ADH7: variants seen among roughly 807,000 people sequenced by gnomAD.
ADH7 encodes all-trans-retinol dehydrogenase [NAD(+)] ADH7.
Under a neutral mutation model 34.4 loss-of-function variants are expected in ADH7, and 41 were observed. The observed-to-expected ratio is 1.19, with a 90% CI of 0.93 to 1.55. The LOEUF (loss-of-function observed/expected upper bound fraction) is 1.55, where lower values mean the gene tolerates loss of function less well. ADH7 is among the 40% of genes most tolerant of loss of function. The pLI is 0.00. For synonymous variants in ADH7, 180 were observed against 160.9 expected (o/e 1.12, Z -0.90); for missense variants, 540 against 461.2 (o/e 1.17, Z -1.56).
At position 99,420,021 on chromosome 4, in the gene ADH7, G is replaced by A. The variant is rs941003466; in HGVS notation, c.825+512C>T. The stretch of plus-strand genomic sequence containing the variant: ...TCTGGTGCTGCGGGCTGCCATACAG[G>A]TGGCATGGTTAGAAAATTGAAGGTT... On this transcript the variant is annotated intron_variant, in intron 6 of 8. Transcript: ENST00000437033. Among the ~76,000 whole-genome samples the A allele has an allele frequency of 1.6e-4, 25 of 152,154 alleles. 1 individual carries two copies. Among genetic ancestry groups the A allele is most frequent in the African/African-American group, 5.8e-4 (24 of 41,434 alleles).
intron 5 of ADH7, among the ~76,000 whole-genome samples, chr4:99,424,834 G>A (rs1721761938): frequency 6.6e-6 from 1 of 152,020 alleles, no homozygotes; most frequent in Non-Finnish European, 1.5e-5. Flanking sequence ...GGGACAATTT[G>A]ACTTCCTCTT....
chr4:99,412,541 T>A lies in ADH7; in HGVS notation c.*607A>T, dbSNP rs1721430597. ...GCTGGCAAATAGCCTTGTGTACCCA[T>A]ATGATATACTTTTTCAGTTTCACCA... On this transcript the variant is annotated 3_prime_UTR_variant, in exon 9 of 9. Coordinates refer to ENST00000437033, the MANE Select transcript of ADH7 (RefSeq NM_000673.7). 1 of 152,136 alleles carries A rather than the reference T, an allele frequency of 6.6e-6. No homozygotes were observed. Among genetic ancestry groups the A allele is most frequent in the African/African-American group, 2.4e-5 (1 of 41,452 alleles). 9.4% of individuals were successfully genotyped at this position (152,136 alleles called of 1,614,324 possible).
At chr4:99,423,579 G>A (rs1168254569) in intron 5 of ADH7, among the ~76,000 whole-genome samples, 21 of 152,076 alleles carry the variant, frequency 1.4e-4, no homozygotes, top group Non-Finnish European at 1.5e-5. Context: ...TCTAACTGGT[G>A]TGAGATGGTA....
intron 5 of ADH7, among the ~76,000 whole-genome samples, chr4:99,423,654 T>C (rs528673517): frequency 6.6e-6 from 1 of 152,270 alleles, no homozygotes; most frequent in Non-Finnish European, 1.5e-5. Context: ...TTCCACATGT[T>C]TTTTGGCTGC....
intron 5 of ADH7, among the ~76,000 whole-genome samples, chr4:99,422,152 G>A (rs1721680298): frequency 1.3e-5 from 2 of 152,064 alleles, no homozygotes. Context: ...CCCATTACTG[G>A]GTATACACCC....
chr4:99,432,412 T>A (rs1486189174), intron 1 of ADH7, among the ~76,000 whole-genome samples: 4 of 152,014 alleles, frequency 2.6e-5, no homozygotes, highest in African/African-American at 9.7e-5. Context: ...CCAAACCCCA[T>A]GATACACAAT....
intron 7 of ADH7, among the ~76,000 whole-genome samples, chr4:99,417,495 A>G (rs908317089): frequency 1.3e-5 from 2 of 152,112 alleles, no homozygotes; most frequent in African/African-American, 4.8e-5. Flanking sequence ...ACTTTATAAA[A>G]TAGCATTCAC....
At chr4:99,434,639 G>C (rs1579582953) in intron 1 of ADH7, among the ~76,000 whole-genome samples, 1 of 151,974 alleles carries the variant, frequency 6.6e-6, no homozygotes, top group East Asian at 1.9e-4. Flanking sequence ...GTTGTTTTTA[G>C]AACGATAAAC....
chr4:99,416,095 G>A (rs547065228), intron 7 of ADH7, among the ~76,000 whole-genome samples: 4 of 151,952 alleles, frequency 2.6e-5, no homozygotes, highest in East Asian at 1.9e-4. Flanking sequence ...CCAACGTAAC[G>A]AACCTGCACG....
chr4:99,429,401 G>A, intron 2 of ADH7, 131 bp downstream of exon 2: 1 of 604,086 alleles, frequency 1.7e-6, no homozygotes, highest in South Asian at 2.5e-5. Context: ...ATATATAAGA[G>A]CCAGTAAAGG....
At chr4:99,433,465 A>G (rs568786842) in intron 1 of ADH7, among the ~76,000 whole-genome samples, 212 of 152,200 alleles carry the variant, frequency 1.4e-3, no homozygotes, top group Non-Finnish European at 2.4e-3. Context: ...TTTCCTTCAT[A>G]TTTTCTGACC....
intron 5 of ADH7, among the ~76,000 whole-genome samples, chr4:99,424,728 G>A (rs901191210): frequency 9.2e-5 from 14 of 152,078 alleles, no homozygotes; most frequent in East Asian, 3.9e-4. Flanking sequence ...TTGATTTTGT[G>A]TCCTGAGACT....
intron 5 of ADH7, among the ~76,000 whole-genome samples, chr4:99,422,935 G>T (rs561439028): frequency 1.4e-5 from 2 of 144,738 alleles, no homozygotes; most frequent in Non-Finnish European, 3.0e-5. Flanking sequence ...GTGCAGGTTA[G>T]TTACATATGT....
At chr4:99,421,843 G>A (rs190605186) in intron 5 of ADH7, among the ~76,000 whole-genome samples, 3 of 152,240 alleles carry the variant, frequency 2.0e-5, no homozygotes, top group Non-Finnish European at 2.9e-5. Flanking sequence ...GTGGTCACAG[G>A]ATATGAACAG....
chr4:99,417,651 T>C (rs997048380), intron 7 of ADH7, among the ~76,000 whole-genome samples: 8 of 152,152 alleles, frequency 5.3e-5, no homozygotes, highest in African/African-American at 1.9e-4. Context: ...TCACACTTCC[T>C]GAGATCAGGG....
Position 99,420,581 on chromosome 4 carries a change from G to A in ADH7, c.777C>T (p.Gly259=). 1 of 1,613,816 alleles carries A rather than the reference G, an allele frequency of 6.2e-7. No homozygotes were observed. Among genetic ancestry groups the A allele is most frequent in the Non-Finnish European group, 8.5e-7 (1 of 1,179,888 alleles). ...CTTCAAAGGTGTATCCCACGTTGTT[G>A]CCTGTCATTTCTGACAGCACCTCAC... ...PISEVLSEMT[G]NNVGYTFEVI... Residue 259 remains glycine, a synonymous_variant, in exon 6 of 9, where the codon GGC becomes GGT. Transcript: ENST00000437033.
chr4:99,413,859 T>C (rs1721460685), intron 8 of ADH7, among the ~76,000 whole-genome samples: 1 of 152,164 alleles, frequency 6.6e-6, no homozygotes, highest in Non-Finnish European at 1.5e-5. Flanking sequence ...TTGGTTTGTA[T>C]GTGGTAGGCA....
intron 5 of ADH7, among the ~76,000 whole-genome samples, chr4:99,422,681 A>C (rs1721694775): frequency 1.3e-5 from 2 of 152,198 alleles, no homozygotes; most frequent in South Asian, 4.1e-4. Flanking sequence ...AGATACAAAT[A>C]TAAATTTTAG....
intron 8 of ADH7, among the ~76,000 whole-genome samples, chr4:99,414,325 A>C (rs1186048436): frequency 6.6e-6 from 1 of 152,182 alleles, no homozygotes; most frequent in Non-Finnish European, 1.5e-5. Context: ...TCAGGTAAAA[A>C]AAAAAATTAG....
Sources: gnomAD v4.1 joint callset for allele counts (sites outside exome capture counted in the v4.1 genomes callset) on GRCh38, gnomAD v4.1.1 for gene constraint, MANE v1.5 for transcripts, NCBI Gene and HGNC (gene_info 2026-07-23, HGNC 2026-07-21) for gene names.